The following LONP1 variants were observed in gnomAD, a reference collection of about 807,000 sequenced individuals.
The protein encoded by LONP1 is lon peptidase 1, mitochondrial.
A neutral mutation model predicts 98.5 loss-of-function variants in LONP1; 31 were observed. The observed-to-expected ratio is 0.31, with a 90% CI of 0.24 to 0.42. The LOEUF (loss-of-function observed/expected upper bound fraction) is 0.42. LONP1 is among the 20% of genes least tolerant of loss of function. The pLI is 1.00. For synonymous variants in LONP1, 781 were observed against 594.7 expected (o/e 1.31, Z -4.56); for missense variants, 1,336 against 1,350.6 (o/e 0.99, Z 0.17).
upstream of LONP1, chr19:5,720,317 G>T: frequency 2.3e-6 from 2 of 872,286 alleles, no homozygotes; most frequent in Non-Finnish European, 3.3e-6. Context: ...CGCCTCTTCC[G>T]GTCTCCCACT....
At chr19:5,704,084 G>A (rs1295473099) in intron 8 of LONP1, among the ~76,000 whole-genome samples, 1 of 152,216 alleles carries the variant, frequency 6.6e-6, no homozygotes, top group East Asian at 1.9e-4. Flanking sequence ...CATTCTGGGT[G>A]ACCCAGGGGG....
Position 5,696,426 on chromosome 19 carries a change from C to G in LONP1, c.1774-55G>C, listed in dbSNP as rs532596609. On this transcript the variant is annotated intron_variant, in intron 11 of 17. Transcript: ENST00000360614. ...TCGCCGTGCCCCTGGCCAGCCCGCC[C>G]AGTGGGGAGACCCCAGGGTCAGGGC... The G allele has an allele frequency of 1.5e-5, 24 of 1,591,696 alleles. No homozygotes were observed. In the South Asian group the frequency reaches 2.4e-4, roughly 16 times the overall value.
intron 1 of LONP1, among the ~76,000 whole-genome samples, chr19:5,718,821 C>A (rs1326559035): frequency 1.3e-5 from 2 of 152,032 alleles, no homozygotes; most frequent in East Asian, 3.9e-4. Context: ...CCCTCCCCAC[C>A]CCCAAGGCTC....
At chr19:5,714,111 C>T in intron 2 of LONP1, 72 bp downstream of exon 2, 5 of 1,218,752 alleles carry the variant, frequency 4.1e-6, no homozygotes, top group Non-Finnish European at 3.6e-6. Flanking sequence ...GTGCAAAGTA[C>T]AGAGTAGGAC....
intron 1 of LONP1, among the ~76,000 whole-genome samples, chr19:5,716,620 C>T (rs118078948): frequency 1.3e-5 from 2 of 151,254 alleles, no homozygotes; most frequent in Admixed American, 6.6e-5. Flanking sequence ...GTGTGTGACC[C>T]ACTGTTATAA....
At chr19:5,696,497 G>T in intron 11 of LONP1, 126 bp from the exon 12 acceptor site, 1 of 1,390,480 alleles carries the variant, frequency 7.2e-7, no homozygotes, top group Non-Finnish European at 9.8e-7. Flanking sequence ...TGCCTTGGAC[G>T]GGCAGCCTGC....
intron 1 of LONP1, among the ~76,000 whole-genome samples, chr19:5,719,229 C>T (rs1486669835): frequency 2.6e-5 from 4 of 152,142 alleles, no homozygotes; most frequent in African/African-American, 7.2e-5. Context: ...TTGTTCACTG[C>T]CATATCCCCA....
intron 8 of LONP1, among the ~76,000 whole-genome samples, chr19:5,704,473 G>A (rs960279199): frequency 6.6e-6 from 1 of 152,180 alleles, no homozygotes; most frequent in Admixed American, 6.5e-5. Flanking sequence ...ATCTGAGGCG[G>A]GGTCCTGGGC....
At chr19:5,719,625 G>A (rs1418291438) in intron 1 of LONP1, 79 bp downstream of exon 1, 38 of 1,605,966 alleles carry the variant, frequency 2.4e-5, no homozygotes, top group Non-Finnish European at 3.2e-5. Context: ...GAAACACAAG[G>A]GCGCTCAAGT....
Position 5,699,040 on chromosome 19 carries a change from T to G in LONP1, c.1672A>C (p.Ile558Leu), listed in dbSNP as rs371770694. Reference protein sequence around the residue: ...SVGGMTDVAEIKGHRRTYVGA... With the variant: ...SVGGMTDVAELKGHRRTYVGA... Reference sequence around the variant, plus strand: ...GGCCAGGCCTACCTGTGGCCCTTGATCTCAGCCACGTCAGTCATGCCCCCG... The same window carrying G: ...GGCCAGGCCTACCTGTGGCCCTTGAGCTCAGCCACGTCAGTCATGCCCCCG... The change falls in exon 10 of 18, where the codon ATC becomes CTC. Residue 558 changes from isoleucine (I) to leucine (L), a missense_variant. By Grantham distance (5) the Ile-to-Leu change is conservative. This residue lies in a region of LONP1 where 219 missense variants were observed against 241.0 expected (regional missense o/e 0.91). Coordinates refer to ENST00000360614, the MANE Select transcript of LONP1 (RefSeq NM_004793.4). 1.2e-5 allele frequency: 20 copies of G among 1,607,212 alleles called. No homozygotes were observed. The highest frequency in any genetic ancestry group is 1.7e-5 in the Non-Finnish European group (20 of 1,176,430).
At chr19:5,702,662 G>C (rs1430742324) in intron 8 of LONP1, among the ~76,000 whole-genome samples, 1 of 152,204 alleles carries the variant, frequency 6.6e-6, no homozygotes, top group Non-Finnish European at 1.5e-5. Context: ...TTTTCATTTT[G>C]TTCTGTACTA....
At position 5,720,073 on chromosome 19, in the gene LONP1, C is replaced by G. The variant is rs962737476; in HGVS notation, c.60G>C (p.Arg20=). 17 of 1,525,466 alleles carry G rather than the reference C, an allele frequency of 1.1e-5. No homozygotes were observed. Among genetic ancestry groups the G allele is most frequent in the Non-Finnish European group, 1.5e-5 (17 of 1,142,474 alleles). The allele number at this position is 1,525,466 out of a possible 1,614,324, so 94.5% of individuals were successfully genotyped here. The change falls in exon 1 of 18, where the codon CGG becomes CGC. Residue 20 remains arginine (R), a synonymous_variant. Coordinates refer to ENST00000360614, the MANE Select transcript of LONP1 (RefSeq NM_004793.4). The stretch of plus-strand genomic sequence containing the variant: ...CCCCGGCGGCGGCCAGCATCGGCCG[C>G]CGCAGCACCCAGCACCGCGCCGCTC... ...LWGAARCWVL[R]RPMLAAAGGR... is the part of the protein sequence containing the mutation.
At chr19:5,711,494 C>T (rs1398753656) in intron 4 of LONP1, among the ~76,000 whole-genome samples, 1 of 152,220 alleles carries the variant, frequency 6.6e-6, no homozygotes, top group African/African-American at 2.4e-5. Flanking sequence ...GCACAGGGGA[C>T]ACGGGCTGGG....
intron 17 of LONP1, among the ~76,000 whole-genome samples, chr19:5,693,028 G>A (rs1304311372): frequency 6.6e-6 from 1 of 152,112 alleles, no homozygotes; most frequent in Non-Finnish European, 1.5e-5. Context: ...CTCCCTTGGC[G>A]CTGGGCTGCC....
Position 5,696,227 on chromosome 19 carries a change from A to G in LONP1, c.1896+22T>C, listed in dbSNP as rs771921368. 2.5e-6 allele frequency: 4 copies of G among 1,612,936 alleles called. No homozygotes were observed. In the South Asian group the frequency reaches 3.3e-5, roughly 13 times the overall value. On this transcript the variant is annotated intron_variant, in intron 12 of 17. Transcript: ENST00000360614. ...GCCGCTTACCCTCCCCAGCAAGCCC[A>G]GGCCCCAGACAGGCCCCCCACCTTG...
intron 8 of LONP1, among the ~76,000 whole-genome samples, chr19:5,701,391 G>A (rs2055040181): frequency 6.6e-6 from 1 of 152,034 alleles, no homozygotes; most frequent in Non-Finnish European, 1.5e-5. Context: ...AGCCGAGGCT[G>A]GACTGTGTGC....
chr19:5,708,468 G>GGGGGGGGGGCA, intron 4 of LONP1, 65 bp from the exon 5 acceptor site: 1 of 551,268 alleles, frequency 1.8e-6, no homozygotes, highest in Non-Finnish European at 3.4e-6. Flanking sequence ...GGCTGGGTGG[G>GGGGGGGGGGCA]AGCATGGCCC....
Position 5,699,107 on chromosome 19 carries a change from G to A in LONP1, c.1605C>T (p.Ser535=). The change falls in exon 10 of 18, where the codon TCC becomes TCT. Residue 535 remains serine (S), a synonymous_variant. Transcript: ENST00000360614. The part of the protein sequence containing the change: ...PGVGKTSIAR[S]IARALNREYF... ...ACTCTCGGTTCAGGGCGCGGGCGAT[G>A]GAGCGAGCAATGCTGGTCTTACCCA... is the stretch of plus-strand genomic sequence containing the variant. 1.2e-6 allele frequency: 2 copies of A among 1,602,818 alleles called. No individual in the cohort carries two copies. The highest frequency in any genetic ancestry group is 2.3e-5 in the East Asian group (1 of 44,084).
At chr19:5,692,876 G>A (rs1264543356) in intron 17 of LONP1, among the ~76,000 whole-genome samples, 1 of 152,106 alleles carries the variant, frequency 6.6e-6, no homozygotes, top group Non-Finnish European at 1.5e-5. Flanking sequence ...GTCCAGTCTG[G>A]GGACAGGCAG....
Sources: allele counts gnomAD v4.1 joint callset (sites outside exome capture counted in the v4.1 genomes callset), GRCh38; gene constraint gnomAD v4.1.1; regional missense constraint gnomAD v4.1.1; transcripts MANE v1.5; gene names NCBI Gene and HGNC (gene_info 2026-07-23, HGNC 2026-07-21).